The following RRBP1 variants were observed in gnomAD, a reference collection of about 807,000 sequenced individuals.
RRBP1 encodes ribosome-binding protein 1.
Under a neutral mutation model 165.2 loss-of-function variants are expected in RRBP1, and 94 were observed. The ratio of observed to expected loss-of-function variants is 0.57; its 90% CI spans 0.48 to 0.68. The LOEUF (loss-of-function observed/expected upper bound fraction) is 0.68, where lower values mean the gene tolerates loss of function less well. Ranked by LOEUF, RRBP1 falls within the 30% of genes least tolerant of loss-of-function variation. The probability of loss-of-function intolerance (pLI) is 0.00; values close to 1 mark genes in which losing one functional copy is unlikely to be tolerated. For missense variants in RRBP1, 1,676 were observed against 1,763.0 expected (o/e 0.95, Z 0.88); for synonymous variants, 680 against 714.5 (o/e 0.95, Z 0.77).
chr20:17,636,006 C>T (rs774871706), intron 6 of RRBP1, among the ~76,000 whole-genome samples: 1 of 152,240 alleles, frequency 6.6e-6, no homozygotes, highest in Non-Finnish European at 1.5e-5. Context: ...ACATGCACCG[C>T]CTCTAACCCC....
chr20:17,624,472 C>A, intron 13 of RRBP1, 104 bp downstream of exon 13: 1 of 758,836 alleles, frequency 1.3e-6, no homozygotes, highest in Non-Finnish European at 2.3e-6. Flanking sequence ...TGCATCTGTG[C>A]GTCCTAGAGC....
Position 17,676,992 on chromosome 20 carries a change from C to T in RRBP1, c.-22+3007G>A, listed in dbSNP as rs1366407136. Among the ~76,000 whole-genome samples the T allele has an allele frequency of 3.3e-5, 5 of 152,064 alleles. No individual in the cohort carries two copies. In the South Asian group the frequency reaches 6.2e-4, roughly 19 times the overall value. On this transcript the variant is annotated intron_variant, in intron 2 of 24. Transcript: ENST00000377813. ...CAAACTCCTGGGCTCAAGCGATCCA[C>T]CCGCCTTGGCCTCCCAAAGTGCTGG...
At chr20:17,615,790 C>T in intron 22 of RRBP1, 136 bp downstream of exon 22, 1 of 784,480 alleles carries the variant, frequency 1.3e-6, no homozygotes, top group Non-Finnish European at 2.0e-6. Flanking sequence ...GCCCCACCCA[C>T]TGCTGCCCAG....
At chr20:17,615,376 C>T (rs939432018) in intron 23 of RRBP1, 55 bp downstream of exon 23, 36 of 1,416,700 alleles carry the variant, frequency 2.5e-5, no homozygotes, top group Middle Eastern at 2.2e-4. Context: ...CCAAGAGTGG[C>T]GCCAGCCCCA....
At chr20:17,627,461 T>TG in intron 10 of RRBP1, 43 bp downstream of exon 10, 1 of 1,607,432 alleles carries the variant, frequency 6.2e-7, no homozygotes, top group Non-Finnish European at 8.5e-7. Flanking sequence ...ACCTGCTAGA[T>TG]GGAGTTCCCT....
chr20:17,660,369 T>C lies in RRBP1; in HGVS notation c.139A>G (p.Lys47Glu), dbSNP rs1466891225. Reference protein sequence around the residue: ...SYEEALANQRKEMAKTHHQKV... With the variant: ...SYEEALANQREEMAKTHHQKV... ...TGGTGGTGAGTTTTCGCCATCTCCTTGCGCTGGTTGGCTAGGGCTTCTTCA... is the reference window on the plus strand; with the variant it reads ...TGGTGGTGAGTTTTCGCCATCTCCTCGCGCTGGTTGGCTAGGGCTTCTTCA... The change falls in exon 3 of 25, where the codon AAG becomes GAG. Residue 47 changes from lysine (K) to glutamate (E), a missense_variant. Physicochemically the swap from Lys to Glu is moderately conservative, Grantham distance 56. Transcript: ENST00000377813. The C allele has an allele frequency of 1.2e-6, 2 of 1,614,210 alleles. No homozygotes were observed. Among genetic ancestry groups the C allele is most frequent in the Non-Finnish European group, 1.7e-6 (2 of 1,180,034 alleles).
chr20:17,649,930 G>A (rs902780616), intron 3 of RRBP1, among the ~76,000 whole-genome samples: 22 of 152,124 alleles, frequency 1.4e-4, no homozygotes, highest in African/African-American at 5.3e-4. Context: ...CCTCCCAGAT[G>A]CCTGTGTGCT....
At chr20:17,668,758 C>T (rs1205240704) in intron 2 of RRBP1, among the ~76,000 whole-genome samples, 1 of 152,194 alleles carries the variant, frequency 6.6e-6, no homozygotes, top group African/African-American at 2.4e-5. Flanking sequence ...AATCCCATTC[C>T]CCCTGGACAT....
At position 17,624,564 on chromosome 20, in the gene RRBP1, T is replaced by C. The variant is rs1484331473; in HGVS notation, c.3147+12A>G. 6.4e-7 allele frequency: 1 copy of C among 1,573,286 alleles called. No homozygotes were observed. Among genetic ancestry groups the C allele is most frequent in the Admixed American group, 1.8e-5 (1 of 54,980 alleles). On this transcript the variant is annotated intron_variant, in intron 13 of 24. Transcript: ENST00000377813. ...TTCCATGGTGGGGGTGTGAGTGTGG[T>C]CGGGCTCTGACCTTGGCCTGGGTCA...
intron 1 of RRBP1, among the ~76,000 whole-genome samples, chr20:17,681,732 G>T (rs1349795941): frequency 6.6e-6 from 1 of 150,458 alleles, no homozygotes; most frequent in Non-Finnish European, 1.5e-5. Flanking sequence ...GGCAGGGAGC[G>T]GTCGCCACGT....
rs111583556 is a variant in RRBP1, at chr20:17,659,548, T to C, written c.960A>G (p.Lys320=). 9 of 1,502,212 alleles carry C rather than the reference T, an allele frequency of 6.0e-6. No homozygotes were observed. Among genetic ancestry groups the C allele is most frequent in the African/African-American group, 1.6e-5 (1 of 63,912 alleles). The allele number at this position is 1,502,212 out of a possible 1,614,324, so 93.1% of individuals were successfully genotyped here. ...CCTGGTTCTGGGCCCCCTCTCCCTTTTTGCCCTGATTCTGGGCCCCCTCTG... is the reference window on the plus strand; with the variant it reads ...CCTGGTTCTGGGCCCCCTCTCCCTTCTTGCCCTGATTCTGGGCCCCCTCTG... The part of the protein sequence containing the change: ...KKAEGAQNQG[K]KGEGAQNQGK... The change falls in exon 3 of 25, where the codon AAA becomes AAG. Residue 320 remains lysine, a synonymous_variant. Coordinates refer to ENST00000377813, the MANE Select transcript of RRBP1 (RefSeq NM_001365613.2).
chr20:17,637,843 T>C (rs2036276152), intron 5 of RRBP1, among the ~76,000 whole-genome samples: 1 of 151,360 alleles, frequency 6.6e-6, no homozygotes. Context: ...GCTTCACTGA[T>C]TAGCTACAGA....
intron 3 of RRBP1, among the ~76,000 whole-genome samples, chr20:17,653,187 C>A (rs1348556701): frequency 6.6e-6 from 1 of 152,196 alleles, no homozygotes; most frequent in African/African-American, 2.4e-5. Flanking sequence ...CCGTGCCCAG[C>A]GCGCCCTCGG....
Position 17,679,578 on chromosome 20 carries a change from G to A in RRBP1, c.-22+421C>T, listed in dbSNP as rs895880340. Among the ~76,000 whole-genome samples the A allele has an allele frequency of 5.9e-5, 9 of 152,282 alleles. No homozygotes were observed. In the South Asian group the frequency reaches 8.3e-4, roughly 14 times the overall value. ...TGGGGTCCCGACACTTTTAAAAGGT[G>A]TCCCTGCTACATAATAAATCAATAC... is the stretch of plus-strand genomic sequence containing the variant. On this transcript the variant is annotated intron_variant, in intron 2 of 24. Transcript: ENST00000377813.
chr20:17,625,502 C>T lies in RRBP1; in HGVS notation c.3054+10G>A. On this transcript the variant is annotated intron_variant, in intron 12 of 24. Transcript: ENST00000377813. ...GCCCGTCCGTCCCCGCCTGTGCCTG[C>T]CGCACTCACATTGTTCTTCACTTTC... The T allele has an allele frequency of 1.2e-6, 2 of 1,612,652 alleles. No individual in the cohort carries two copies. The highest frequency in any genetic ancestry group is 8.5e-7 in the Non-Finnish European group (1 of 1,179,140).
intron 3 of RRBP1, among the ~76,000 whole-genome samples, chr20:17,658,039 A>G (rs2036677787): frequency 1.3e-5 from 2 of 152,238 alleles, no homozygotes; most frequent in South Asian, 2.1e-4. Flanking sequence ...TGTGTGGTGG[A>G]CAGAATTATT....
rs117961495 is a variant in RRBP1 at position 17,653,071 on chromosome 20, G to A, written c.1912+5525C>T. ...TCACTGCAAGTGATGAAGTGTGCCC[G>A]GAGCAGAGAAGGGCCTTTGCAAGGC... is the stretch of plus-strand genomic sequence containing the variant. On this transcript the variant is annotated intron_variant, in intron 3 of 24. Coordinates refer to ENST00000377813, the MANE Select transcript of RRBP1 (RefSeq NM_001365613.2). 7.5e-4 allele frequency among the ~76,000 whole-genome samples: 115 copies of A among 152,322 alleles called. No homozygotes were observed. The East Asian group carries it at 9.1e-3, about 12-fold the overall frequency.
intron 13 of RRBP1, 122 bp from the exon 14 acceptor site, chr20:17,622,069 G>T: frequency 1.4e-6 from 1 of 717,936 alleles, no homozygotes; most frequent in Non-Finnish European, 2.4e-6. Context: ...AGCTCTTCAG[G>T]GAAGCGACAA....
rs113600685 is a variant in RRBP1, at chr20:17,658,996, T to G, written c.1512A>C (p.Gly504=). Residue 504 remains glycine (G), a synonymous_variant, in exon 3 of 25, where the codon GGA becomes GGC. Transcript: ENST00000377813. ...CTCCTTTTTGGCCCTGGTTCTGGGC[T>G]CCCTCGGCCTTTTTGCCCTGGTTCT... ...GAQNQGKKAE[G]AQNQGQKGEG... is the part of the protein sequence containing the mutation. 7 of 1,599,392 alleles carry G rather than the reference T, an allele frequency of 4.4e-6. No homozygotes were observed. Among genetic ancestry groups the G allele is most frequent in the Middle Eastern group, 1.7e-4 (1 of 6,002 alleles).
Sources: allele counts gnomAD v4.1 joint callset (sites outside exome capture counted in the v4.1 genomes callset), GRCh38; gene constraint gnomAD v4.1.1; transcripts MANE v1.5; gene names NCBI Gene and HGNC (gene_info 2026-07-23, HGNC 2026-07-21).